The following CSMD1 variants were observed in gnomAD, a reference collection of about 807,000 sequenced individuals.
CSMD1 encodes CUB and sushi domain-containing protein 1.
Under a neutral mutation model 417.5 loss-of-function variants are expected in CSMD1, and 213 were observed. That is an observed-to-expected ratio of 0.51 (90% CI 0.46 to 0.57). The LOEUF (loss-of-function observed/expected upper bound fraction) is 0.57, where lower values mean the gene tolerates loss of function less well. Ranked by LOEUF, CSMD1 falls within the 20% of genes least tolerant of loss-of-function variation. The probability of loss-of-function intolerance (pLI) is 0.00; values close to 1 mark genes in which losing one functional copy is unlikely to be tolerated. For synonymous variants in CSMD1, 2,862 were observed against 1,736.8 expected, an observed-to-expected ratio of 1.65 and a Z score of -16.11; for missense variants, 6,923 against 4,529.7, an observed-to-expected ratio of 1.53 and a Z score of -15.17.
chr8:3,799,548 G>T (rs1055035469), intron 5 of CSMD1, among the ~76,000 whole-genome samples: 1 of 151,486 alleles, frequency 6.6e-6, no homozygotes, highest in African/African-American at 2.4e-5. Context: ...TCTAAAATAT[G>T]TGACTAATAA....
chr8:2,987,421 T>C (rs535289237), intron 54 of CSMD1, among the ~76,000 whole-genome samples: 4 of 148,350 alleles, frequency 2.7e-5, no homozygotes, highest in South Asian at 2.1e-4. Flanking sequence ...ATATAATATA[T>C]ACATAAATAT....
chr8:3,375,162 C>T (rs1810225592), intron 18 of CSMD1: 1 of 152,228 alleles, frequency 6.6e-6, no homozygotes. Context: ...CTGTGTTGAA[C>T]TTCCAACTGC....
intron 3 of CSMD1, among the ~76,000 whole-genome samples, chr8:4,242,369 G>A (rs933318164): frequency 5.3e-5 from 8 of 152,112 alleles, no homozygotes; most frequent in Admixed American, 2.0e-4. Flanking sequence ...TCAAAGAGCT[G>A]TAAATGAGAG....
intron 2 of CSMD1, among the ~76,000 whole-genome samples, chr8:4,538,279 A>G (rs1797206057): frequency 6.8e-6 from 1 of 147,552 alleles, no homozygotes; most frequent in Non-Finnish European, 1.5e-5. Context: ...TTATTTTGTT[A>G]TCCTACCACT....
chr8:3,281,172 G>A (rs946278329), intron 26 of CSMD1, among the ~76,000 whole-genome samples: 2 of 152,136 alleles, frequency 1.3e-5, no homozygotes, highest in Non-Finnish European at 2.9e-5. Flanking sequence ...GCTGGGCGAG[G>A]TGGCTCACGC....
intron 1 of CSMD1, among the ~76,000 whole-genome samples, chr8:4,926,715 T>C (rs189455987): frequency 1.5e-3 from 224 of 152,324 alleles, no homozygotes; most frequent in Non-Finnish European, 2.7e-3. Context: ...AAACAAACTT[T>C]ACAGGACTTT....
chr8:3,841,270 T>A (rs116897392), intron 5 of CSMD1, among the ~76,000 whole-genome samples: 1,818 of 152,268 alleles, frequency 0.012, 15 homozygotes, highest in South Asian at 0.033. Flanking sequence ...TGAGCTTGAT[T>A]TTGAACTATC....
rs1798406978 is a variant in CSMD1 at position 4,803,278 on chromosome 8, A to C, written c.86-165720T>G. ...TTACTGAGAAATGTTATCCAAACAG[A>C]AACATCGATAAAGCAATTCCCTTTA... On this transcript the variant is annotated intron_variant, in intron 1 of 69. Coordinates refer to ENST00000635120, the MANE Select transcript of CSMD1 (RefSeq NM_033225.6). 3.3e-5 allele frequency among the ~76,000 whole-genome samples: 5 copies of C among 152,222 alleles called. No individual in the cohort carries two copies. The South Asian group carries it at 8.3e-4, about 25-fold the overall frequency.
At chr8:3,345,628 C>A (rs550741224) in intron 22 of CSMD1, among the ~76,000 whole-genome samples, 88 of 152,268 alleles carry the variant, frequency 5.8e-4, no homozygotes, top group African/African-American at 2.0e-3. Flanking sequence ...TCAAAGGGTT[C>A]TTTTCAGTTA....
chr8:3,778,335 A>G (rs747117153), intron 5 of CSMD1, among the ~76,000 whole-genome samples: 20 of 152,190 alleles, frequency 1.3e-4, no homozygotes, highest in Non-Finnish European at 2.6e-4. Context: ...CAATTAGGGA[A>G]ACCTGTGTAA....
At chr8:4,246,918 T>G (rs950437316) in intron 3 of CSMD1, among the ~76,000 whole-genome samples, 3 of 152,200 alleles carry the variant, frequency 2.0e-5, no homozygotes, top group African/African-American at 7.2e-5. Context: ...CTTCAAAAAA[T>G]CTTTGTAAGA....
chr8:4,984,363 G>C (rs1363217556), intron 1 of CSMD1, among the ~76,000 whole-genome samples: 1 of 152,206 alleles, frequency 6.6e-6, no homozygotes, highest in Non-Finnish European at 1.5e-5. Context: ...GCATATTTCA[G>C]GGACTAGTCC....
At chr8:3,130,128 C>G (rs1161787932) in intron 41 of CSMD1, among the ~76,000 whole-genome samples, 2 of 152,048 alleles carry the variant, frequency 1.3e-5, no homozygotes, top group African/African-American at 4.8e-5. Context: ...TTCTATTTTT[C>G]TTATTGGCTC....
intron 5 of CSMD1, among the ~76,000 whole-genome samples, chr8:3,959,767 G>C (rs142116079): frequency 2.6e-4 from 39 of 152,300 alleles, no homozygotes; most frequent in African/African-American, 8.7e-4. Flanking sequence ...TATGTCTTCA[G>C]TTTTGTGATT....
chr8:3,437,560 C>T (rs532748020), intron 12 of CSMD1, among the ~76,000 whole-genome samples: 2 of 152,334 alleles, frequency 1.3e-5, no homozygotes, highest in African/African-American at 2.4e-5. Context: ...CAGGGAAAAA[C>T]TGGACTGCAG....
chr8:4,902,271 C>G (rs1403958355), intron 1 of CSMD1, among the ~76,000 whole-genome samples: 1 of 135,274 alleles, frequency 7.4e-6, no homozygotes, highest in Non-Finnish European at 1.6e-5. Context: ...CTCGCTCTAT[C>G]TATTAAAAAA....
At chr8:3,794,855 G>A (rs907491968) in intron 5 of CSMD1, among the ~76,000 whole-genome samples, 5 of 124,750 alleles carry the variant, frequency 4.0e-5, no homozygotes, top group Non-Finnish European at 8.9e-5. Flanking sequence ...CCATATCCGG[G>A]ATCAATTTAC....
At chr8:4,791,400 G>A (rs968371423) in intron 1 of CSMD1, among the ~76,000 whole-genome samples, 6 of 152,138 alleles carry the variant, frequency 3.9e-5, no homozygotes, top group African/African-American at 1.4e-4. Context: ...TTGACTCCCT[G>A]AAAGTTTATG....
At chr8:3,251,919 C>G (rs947539508) in intron 26 of CSMD1, among the ~76,000 whole-genome samples, 2 of 152,040 alleles carry the variant, frequency 1.3e-5, no homozygotes, top group African/African-American at 2.4e-5. Flanking sequence ...GATTTTGTAT[C>G]CTGAGACTTT....
Sources: allele counts gnomAD v4.1 joint callset (sites outside exome capture counted in the v4.1 genomes callset), GRCh38; gene constraint gnomAD v4.1.1; transcripts MANE v1.5; gene names NCBI Gene and HGNC (gene_info 2026-07-23, HGNC 2026-07-21).